Variants in NR4A1 observed in about 807,000 individuals in gnomAD.
The protein encoded by NR4A1 is nuclear receptor subfamily 4 group A member 1, also known as nuclear receptor subfamily 4immunitygroup A member 1.
A neutral mutation model predicts 47.5 loss-of-function variants in NR4A1; 24 were observed. The observed-to-expected ratio is 0.50, with a 90% CI of 0.37 to 0.71. The LOEUF is 0.71. Among genes scored for constraint, NR4A1 ranks in the 30% least tolerant of loss-of-function variants. The probability of loss-of-function intolerance (pLI) is 0.00; values close to 1 mark genes in which losing one functional copy is unlikely to be tolerated. For missense variants in NR4A1, 669 were observed against 788.6 expected, an observed-to-expected ratio of 0.85 and a Z score of 1.82; for synonymous variants, 353 against 345.7, an observed-to-expected ratio of 1.02 and a Z score of -0.24.
At chr12:52,031,424 G>A (rs59257997) in intron 1 of NR4A1, among the ~76,000 whole-genome samples, 2 of 151,666 alleles carry the variant, frequency 1.3e-5, no homozygotes, top group Non-Finnish European at 2.9e-5. Flanking sequence ...ATCACATGAG[G>A]TCAGGAGTGT....
chr12:52,040,172 G>T (rs1938380993), intron 1 of NR4A1, among the ~76,000 whole-genome samples: 1 of 152,190 alleles, frequency 6.6e-6, no homozygotes, highest in Admixed American at 6.5e-5. Context: ...GGGGCACACT[G>T]CCTGGCTCCC....
intron 1 of NR4A1, among the ~76,000 whole-genome samples, chr12:52,039,020 TA>T (rs929596851): frequency 6.6e-6 from 1 of 152,220 alleles, no homozygotes; most frequent in African/African-American, 2.4e-5. Context: ...ACTCCTTGGT[TA>T]GGCTCCCTGG....
chr12:52,022,932 G>C (rs1937915092), exon 1 of NR4A1: 1 of 152,390 alleles, frequency 6.6e-6, no homozygotes, highest in South Asian at 2.1e-4. Context: ...TCCTCGCCTT[G>C]GTTGGAGGTA....
chr12:52,028,632 G>A lies in NR4A1; in HGVS notation c.-84+5693G>A, dbSNP rs535775491. ...AAAAGACAAAAAGACCAGGCCAGGC[G>A]CGGTAGCTCATGCCTGTAATCCCAG... is the stretch of plus-strand genomic sequence containing the variant. On this transcript the variant is annotated intron_variant, in intron 1 of 7. Transcript: ENST00000360284. Among the ~76,000 whole-genome samples, 9 of 151,996 alleles carry A rather than the reference G, an allele frequency of 5.9e-5. No homozygotes were observed. The East Asian group carries it at 1.6e-3, about 26-fold the overall frequency.
Position 52,056,023 on chromosome 12 carries a change from C to T in NR4A1, c.877-7C>T, listed in dbSNP as rs201901500. On this transcript the variant is annotated splice_polypyrimidine_tract_variant and splice_region_variant and intron_variant, in intron 2 of 6. Coordinates refer to ENST00000394825, the MANE Select transcript of NR4A1 (RefSeq NM_173157.3). ...GACAGCTTGTTCCGTGTTGCCCCCC[C>T]ACCCAGCGCACAGTGCAGAAAAACG... The T allele has an allele frequency of 1.6e-4, 243 of 1,481,914 alleles. No homozygotes were observed. The East Asian group carries it at 3.1e-3, about 19-fold the overall frequency. The allele number at this position is 1,481,914 out of a possible 1,614,324, so 91.8% of individuals were successfully genotyped here.
At position 52,037,489 on chromosome 12, in the gene NR4A1, G is replaced by C. The variant is rs903395748; in HGVS notation, c.-83-4321G>C. The stretch of plus-strand genomic sequence containing the variant: ...CGGGAGGTGGGCCCCGGAGAGGCCG[G>C]GCAATCTCGGGTCTTCGGTGGATGC... On this transcript the variant is annotated intron_variant, in intron 1 of 7. Transcript: ENST00000360284. 6 of 983,128 alleles carry C rather than the reference G, an allele frequency of 6.1e-6. No homozygotes were observed. In the Admixed American group the frequency reaches 3.7e-4, roughly 60 times the overall value. 60.9% of individuals were successfully genotyped at this position (983,128 alleles called of 1,614,324 possible).
intron 1 of NR4A1, among the ~76,000 whole-genome samples, chr12:52,032,308 C>T (rs1565638745): frequency 6.6e-6 from 1 of 152,194 alleles, no homozygotes; most frequent in Non-Finnish European, 1.5e-5. Flanking sequence ...CAAATTTGCT[C>T]TTCTTTGAGG....
rs551378372 is a variant in NR4A1 at position 52,042,838 on chromosome 12, C to T, written c.37+909C>T. On this transcript the variant is annotated intron_variant, in intron 2 of 7. Transcript: ENST00000360284. ...AAAGGAGCTGGAGCTCTGCCTTGCACCCCAGACAGGGGTCATGAGATTCCC... is the reference window on the plus strand; with the variant it reads ...AAAGGAGCTGGAGCTCTGCCTTGCATCCCAGACAGGGGTCATGAGATTCCC... Among the ~76,000 whole-genome samples the T allele has an allele frequency of 3.5e-4, 54 of 152,324 alleles. No homozygotes were observed. In the South Asian group the frequency reaches 0.011, roughly 30 times the overall value.
At chr12:52,044,810 G>A (rs1397333727) in intron 2 of NR4A1, among the ~76,000 whole-genome samples, 1 of 152,170 alleles carries the variant, frequency 6.6e-6, no homozygotes, top group Non-Finnish European at 1.5e-5. Flanking sequence ...AGCTGGCCAG[G>A]AGCTGAAGAG....
intron 1 of NR4A1, among the ~76,000 whole-genome samples, chr12:52,027,808 G>C (rs918050008): frequency 5.3e-5 from 8 of 152,196 alleles, no homozygotes; most frequent in Admixed American, 3.9e-4. Flanking sequence ...CACCCCTCCA[G>C]GGACTAGGCA....
intron 1 of NR4A1, among the ~76,000 whole-genome samples, chr12:52,030,008 A>T (rs1178233872): frequency 6.6e-6 from 1 of 152,154 alleles, no homozygotes; most frequent in African/African-American, 2.4e-5. Context: ...AGAAGTGGAC[A>T]CTTATAAACT....
chr12:52,026,453 A>G (rs1938001841), intron 1 of NR4A1, among the ~76,000 whole-genome samples: 1 of 152,218 alleles, frequency 6.6e-6, no homozygotes, highest in Non-Finnish European at 1.5e-5. Context: ...CAACACTTAC[A>G]TGGTGCTGAC....
chr12:52,041,761 G>A, intron 1 of NR4A1: 1 of 1,264,864 alleles, frequency 7.9e-7, no homozygotes, highest in Non-Finnish European at 1.0e-6. Context: ...TCCAGGGAAT[G>A]TGCCTGCTGG....
At chr12:52,039,060 G>C (rs1433150129) in intron 1 of NR4A1, among the ~76,000 whole-genome samples, 1 of 152,250 alleles carries the variant, frequency 6.6e-6, no homozygotes, top group Non-Finnish European at 1.5e-5. Context: ...CCAATTCCTA[G>C]CTGTGTGACC....
chr12:52,040,150 C>T (rs1263623712), intron 1 of NR4A1, among the ~76,000 whole-genome samples: 1 of 152,194 alleles, frequency 6.6e-6, no homozygotes, highest in Non-Finnish European at 1.5e-5. Context: ...ATTCTTGCCT[C>T]TCCTGTTGTT....
intron 1 of NR4A1, among the ~76,000 whole-genome samples, chr12:52,034,904 C>T (rs954716684): frequency 2.0e-5 from 3 of 152,186 alleles, no homozygotes; most frequent in Non-Finnish European, 4.4e-5. Context: ...TGCCAGACTC[C>T]GCTTCATGCT....
At chr12:52,045,514 G>A (rs1300237171) in intron 2 of NR4A1, 10 of 452,668 alleles carry the variant, frequency 2.2e-5, no homozygotes, top group Admixed American at 7.2e-5. Context: ...CAGGCCCCAG[G>A]CAGTGCTACA....
At chr12:52,024,041 AG>A (rs1228359230) in intron 1 of NR4A1, among the ~76,000 whole-genome samples, 1 of 152,200 alleles carries the variant, frequency 6.6e-6, no homozygotes, top group Non-Finnish European at 1.5e-5. Flanking sequence ...TCTGAGGGAG[AG>A]TCGCGGCCTC....
chr12:52,025,693 G>C (rs1489373139), intron 1 of NR4A1, among the ~76,000 whole-genome samples: 1 of 152,182 alleles, frequency 6.6e-6, no homozygotes, highest in African/African-American at 2.4e-5. Context: ...TGAAAGGCCA[G>C]GGCTTTCCGA....
Sources: allele counts gnomAD v4.1 joint callset (sites outside exome capture counted in the v4.1 genomes callset), GRCh38; gene constraint gnomAD v4.1.1; transcripts MANE v1.5; gene names NCBI Gene and HGNC (gene_info 2026-07-23, HGNC 2026-07-21).